The following RIMS1 variants were observed in gnomAD, a reference collection of about 807,000 sequenced individuals.
RIMS1 encodes regulating synaptic membrane exocytosis 1, also known as regulating synaptic membrane exocytosis protein 1.
In RIMS1, 83 loss-of-function variants were observed where a neutral mutation model predicts 214.1. That is an observed-to-expected ratio of 0.39 (90% CI 0.32 to 0.47). RIMS1 has a LOEUF of 0.47. Ranked by LOEUF, RIMS1 falls within the 20% of genes least tolerant of loss-of-function variation. The probability of loss-of-function intolerance (pLI) is 0.99; values close to 1 mark genes in which losing one functional copy is unlikely to be tolerated. For synonymous variants in RIMS1, 793 were observed against 786.8 expected, an observed-to-expected ratio of 1.01 and a Z score of -0.13; for missense variants, 2,050 against 2,161.8, an observed-to-expected ratio of 0.95 and a Z score of 1.03.
chr6:72,316,090 A>G (rs2095773087), intron 28 of RIMS1, among the ~76,000 whole-genome samples: 2 of 152,184 alleles, frequency 1.3e-5, no homozygotes, highest in Admixed American at 6.5e-5. Context: ...TTTAAAACAA[A>G]CAAAACAAAA....
chr6:72,001,085 C>A (rs937059303), intron 2 of RIMS1, among the ~76,000 whole-genome samples: 1 of 152,122 alleles, frequency 6.6e-6, no homozygotes. Context: ...CAATTAAGGT[C>A]ATCAATTTCA....
intron 29 of RIMS1, among the ~76,000 whole-genome samples, chr6:72,375,049 C>G (rs989362175): frequency 1.4e-4 from 22 of 152,324 alleles, no homozygotes; most frequent in African/African-American, 5.3e-4. Context: ...CAATGGGGAG[C>G]AGCTGTAAAT....
chr6:72,188,313 CA>C (rs1390923556), intron 6 of RIMS1, among the ~76,000 whole-genome samples: 1 of 152,162 alleles, frequency 6.6e-6, no homozygotes, highest in Non-Finnish European at 1.5e-5. Flanking sequence ...ATGTAATCTT[CA>C]AATAAAGACA....
intron 2 of RIMS1, among the ~76,000 whole-genome samples, chr6:72,006,954 T>C (rs2151802627): frequency 6.6e-6 from 1 of 152,314 alleles, no homozygotes; most frequent in African/African-American, 2.4e-5. Flanking sequence ...AATGTCCCTG[T>C]CTGACAGCTT....
chr6:72,149,682 GC>G (rs889308079), intron 4 of RIMS1, among the ~76,000 whole-genome samples: 2 of 152,186 alleles, frequency 1.3e-5, no homozygotes, highest in African/African-American at 2.4e-5. Flanking sequence ...AGAATTATAT[GC>G]CCACATTCAC....
At chr6:72,275,575 T>A (rs1212897718) in intron 23 of RIMS1, among the ~76,000 whole-genome samples, 1 of 152,116 alleles carries the variant, frequency 6.6e-6, no homozygotes, top group Non-Finnish European at 1.5e-5. Context: ...TTAGCATCTT[T>A]TAATCTCTAA....
chr6:71,903,357 C>A (rs1472538021), intron 1 of RIMS1, among the ~76,000 whole-genome samples: 4 of 152,022 alleles, frequency 2.6e-5, no homozygotes, highest in Admixed American at 1.3e-4. Flanking sequence ...GTCCTTTGCC[C>A]ACTTTTTAAT....
chr6:71,903,748 G>C (rs772267223), intron 1 of RIMS1, among the ~76,000 whole-genome samples: 1 of 140,526 alleles, frequency 7.1e-6, no homozygotes, highest in Non-Finnish European at 1.5e-5. Flanking sequence ...AGGATTAGTA[G>C]TGTGTGTGTG....
chr6:71,969,808 C>CAAAACA (rs72341245), intron 2 of RIMS1, among the ~76,000 whole-genome samples: 14 of 151,908 alleles, frequency 9.2e-5, no homozygotes, highest in East Asian at 1.9e-4. Flanking sequence ...GACCCTGTCT[C>CAAAACA]AAAACAAAAA....
chr6:72,343,492 CTTTTTTTTT>C (rs764125827), intron 29 of RIMS1, among the ~76,000 whole-genome samples: 1 of 57,270 alleles, frequency 1.7e-5, no homozygotes, highest in Non-Finnish European at 2.9e-5. Context: ...TCTTCTTCTT[CTTTTTTTTT>C]TTTTTTTTTT....
intron 4 of RIMS1, among the ~76,000 whole-genome samples, chr6:72,157,584 C>T (rs2044611570): frequency 7.1e-6 from 1 of 139,960 alleles, no homozygotes; most frequent in South Asian, 2.3e-4. Context: ...GCTGTACTAT[C>T]GTTATTATAA....
At chr6:72,268,902 T>C (rs538408388) in intron 22 of RIMS1, among the ~76,000 whole-genome samples, 1 of 152,298 alleles carries the variant, frequency 6.6e-6, no homozygotes, top group East Asian at 1.9e-4. Flanking sequence ...CATTTATATC[T>C]TCCCATTTCC....
intron 2 of RIMS1, among the ~76,000 whole-genome samples, chr6:72,090,808 A>G (rs189288156): frequency 6.6e-6 from 1 of 152,326 alleles, no homozygotes; most frequent in Non-Finnish European, 1.5e-5. Flanking sequence ...AATGTGTATA[A>G]ACAAGCCTCC....
chr6:72,107,230 G>C (rs915255853), intron 4 of RIMS1, among the ~76,000 whole-genome samples: 6 of 152,148 alleles, frequency 3.9e-5, no homozygotes, highest in African/African-American at 1.4e-4. Context: ...CTGGCTTGAA[G>C]AACAAATAAA....
At chr6:72,278,823 T>C (rs1443144114) in intron 23 of RIMS1, among the ~76,000 whole-genome samples, 2 of 152,074 alleles carry the variant, frequency 1.3e-5, no homozygotes, top group African/African-American at 4.8e-5. Context: ...TTTAGGTTGA[T>C]TCTATTCAAA....
At chr6:72,217,191 G>A (rs1254706547) in intron 6 of RIMS1, 1 of 1,536,864 alleles carries the variant, frequency 6.5e-7, no homozygotes, top group Non-Finnish European at 8.7e-7. Context: ...CTGCTGTTAT[G>A]TTTGCTGGGT....
intron 5 of RIMS1, among the ~76,000 whole-genome samples, chr6:72,182,019 G>A (rs867486495): frequency 2.6e-5 from 4 of 152,158 alleles, no homozygotes; most frequent in Non-Finnish European, 5.9e-5. Flanking sequence ...CTTCTAACAA[G>A]AGCAACTATG....
chr6:72,038,181 A>T (rs1318915381), intron 2 of RIMS1, among the ~76,000 whole-genome samples: 1 of 130,122 alleles, frequency 7.7e-6, no homozygotes, highest in Admixed American at 8.5e-5. Context: ...CCCCACCCCC[A>T]GTTTTCCAAG....
At chr6:72,315,940 G>A (rs2095761232) in intron 28 of RIMS1, among the ~76,000 whole-genome samples, 1 of 151,854 alleles carries the variant, frequency 6.6e-6, no homozygotes, top group African/African-American at 2.4e-5. Flanking sequence ...TTATTTTTTA[G>A]CAACTAACAT....
Sources: gnomAD v4.1 joint callset for allele counts (sites outside exome capture counted in the v4.1 genomes callset) on GRCh38, gnomAD v4.1.1 for gene constraint, MANE v1.5 for transcripts, NCBI Gene and HGNC (gene_info 2026-07-23, HGNC 2026-07-21) for gene names.